Variants in COG5 observed in about 807,000 individuals in gnomAD.
The protein encoded by COG5 is component of oligomeric golgi complex 5, also known as conserved oligomeric Golgi complex subunit 5.
In COG5, 86 loss-of-function variants were observed where a neutral mutation model predicts 110.4. The ratio of observed to expected loss-of-function variants is 0.78; its 90% CI spans 0.65 to 0.93. The LOEUF (loss-of-function observed/expected upper bound fraction) is 0.93, where lower values mean the gene tolerates loss of function less well. COG5 is among the 40% of genes least tolerant of loss of function. The pLI is 0.00. For synonymous variants in COG5, 360 were observed against 334.6 expected (o/e 1.08, Z -0.83); for missense variants, 1,077 against 987.0 (o/e 1.09, Z -1.22).
chr7:107,289,215 T>C (rs1805954154), intron 12 of COG5, among the ~76,000 whole-genome samples: 1 of 151,856 alleles, frequency 6.6e-6, no homozygotes, highest in Non-Finnish European at 1.5e-5. Flanking sequence ...GGGCACCACT[T>C]CATTATTTTG....
Position 107,203,226 on chromosome 7 carries a change from G to C in COG5, c.*290C>G, listed in dbSNP as rs1287926749. The C allele has an allele frequency of 4.7e-6, 2 of 429,810 alleles. No homozygotes were observed. Among genetic ancestry groups the C allele is most frequent in the African/African-American group, 4.0e-5 (2 of 49,620 alleles). The allele number at this position is 429,810 out of a possible 1,614,324, so 26.6% of individuals were successfully genotyped here. A position where few individuals can be genotyped will look rare whatever the true frequency, so the allele number is the denominator to read the frequency against. The stretch of plus-strand genomic sequence containing the variant: ...GGGACTTTGGGTTTATGTACCCATA[G>C]GAGGACTTGGTTATGGATGGGAAAG... On this transcript the variant is annotated 3_prime_UTR_variant, in exon 22 of 22. Transcript: ENST00000297135.
At chr7:107,256,514 A>G (rs1802889613) in intron 16 of COG5, among the ~76,000 whole-genome samples, 1 of 152,184 alleles carries the variant, frequency 6.6e-6, no homozygotes, top group Non-Finnish European at 1.5e-5. Flanking sequence ...AACTGTCATA[A>G]GTAGAACACA....
intron 21 of COG5, among the ~76,000 whole-genome samples, chr7:107,205,731 TA>T (rs938160644): frequency 6.6e-6 from 1 of 152,180 alleles, no homozygotes; most frequent in Non-Finnish European, 1.5e-5. Flanking sequence ...TGCTCCCTTT[TA>T]AGGAAAGCCT....
Position 107,210,537 on chromosome 7 carries a change from G to A in COG5, c.2364C>T (p.Leu788=), listed in dbSNP as rs2116193413. 6.3e-7 allele frequency: 1 copy of A among 1,599,632 alleles called. No homozygotes were observed. Among genetic ancestry groups the A allele is most frequent in the African/African-American group, 1.3e-5 (1 of 74,966 alleles). The change falls in exon 21 of 22, where the codon CTC becomes CTT. Residue 788 remains leucine, a synonymous_variant. Transcript: ENST00000297135. Reference sequence around the variant, plus strand: ...GCACCTGGCTTTACCTGATGAGGAGGAGCCTGTCCTTTTCAGATGGATGGT... The same window carrying A: ...GCACCTGGCTTTACCTGATGAGGAGAAGCCTGTCCTTTTCAGATGGATGGT... ...LDDHPSEKDR[L]LLIRGALEAY...
intron 11 of COG5, among the ~76,000 whole-genome samples, chr7:107,316,739 G>A (rs958716082): frequency 8.7e-5 from 13 of 150,242 alleles, no homozygotes; most frequent in African/African-American, 3.2e-4. Flanking sequence ...GGCTGAGGCA[G>A]GAGAATGGCG....
At chr7:107,316,455 T>C (rs1385105831) in intron 11 of COG5, among the ~76,000 whole-genome samples, 1 of 151,952 alleles carries the variant, frequency 6.6e-6, no homozygotes, top group East Asian at 1.9e-4. Context: ...TGACATTAAT[T>C]GTCCTAATGA....
intron 21 of COG5, chr7:107,210,156 T>C: frequency 9.1e-7 from 1 of 1,099,150 alleles, no homozygotes; most frequent in Middle Eastern, 4.2e-4. Context: ...TTCACTCACA[T>C]CTGTGTTCCA....
At chr7:107,457,669 T>TCC (rs368613264) in intron 6 of COG5, among the ~76,000 whole-genome samples, 1 of 151,074 alleles carries the variant, frequency 6.6e-6, no homozygotes, top group African/African-American at 2.4e-5. Flanking sequence ...GAAGTCGTGA[T>TCC]CCCCCCCGCC....
At chr7:107,211,303 G>A (rs1799157624) in intron 19 of COG5, 78 bp from the exon 20 acceptor site, 4 of 1,505,038 alleles carry the variant, frequency 2.7e-6, no homozygotes, top group Admixed American at 1.7e-5. Context: ...CATTCTCCTT[G>A]TAGAATAGCA....
intron 13 of COG5, among the ~76,000 whole-genome samples, chr7:107,281,643 G>C (rs1016905456): frequency 6.6e-6 from 1 of 152,118 alleles, no homozygotes; most frequent in African/African-American, 2.4e-5. Context: ...TGTGGGTTCA[G>C]TCTGTGATTA....
intron 19 of COG5, among the ~76,000 whole-genome samples, chr7:107,225,886 T>C (rs1800297305): frequency 1.3e-5 from 2 of 151,982 alleles, no homozygotes; most frequent in South Asian, 2.1e-4. Flanking sequence ...CTACTAAAAA[T>C]ACAAAAATTT....
At chr7:107,221,034 C>T (rs1190500351) in intron 19 of COG5, among the ~76,000 whole-genome samples, 5 of 151,906 alleles carry the variant, frequency 3.3e-5, no homozygotes, top group African/African-American at 1.2e-4. Context: ...TCAGGCTGGT[C>T]TCAAATTCCT....
At chr7:107,536,034 A>G (rs894235172) in intron 5 of COG5, among the ~76,000 whole-genome samples, 4 of 152,228 alleles carry the variant, frequency 2.6e-5, no homozygotes, top group Non-Finnish European at 5.9e-5. Flanking sequence ...TCCATCACAT[A>G]AACAGAACCA....
chr7:107,259,007 T>C (rs1044350472), intron 14 of COG5, among the ~76,000 whole-genome samples: 11 of 152,130 alleles, frequency 7.2e-5, no homozygotes, highest in African/African-American at 2.7e-4. Context: ...ATACTGTGTA[T>C]AGATGATCAG....
intron 12 of COG5, among the ~76,000 whole-genome samples, chr7:107,295,543 T>C (rs892134744): frequency 1.3e-5 from 2 of 152,148 alleles, no homozygotes; most frequent in African/African-American, 4.8e-5. Context: ...TTCTCTTTTC[T>C]TTCTTACATC....
chr7:107,350,612 T>A (rs1288299812), intron 10 of COG5, among the ~76,000 whole-genome samples: 1 of 152,244 alleles, frequency 6.6e-6, no homozygotes. Context: ...GGCAATTTTT[T>A]ACTGTGAGCT....
chr7:107,507,007 GC>G (rs1265202953), intron 6 of COG5, among the ~76,000 whole-genome samples: 1 of 152,222 alleles, frequency 6.6e-6, no homozygotes, highest in Non-Finnish European at 1.5e-5. Context: ...ACGCAAGGCT[GC>G]TCCCACTGCC....
At chr7:107,287,834 TC>T (rs1275726073) in intron 12 of COG5, among the ~76,000 whole-genome samples, 3 of 152,208 alleles carry the variant, frequency 2.0e-5, no homozygotes, top group African/African-American at 7.2e-5. Flanking sequence ...GTACTTCATT[TC>T]TTTTTATGGC....
intron 6 of COG5, among the ~76,000 whole-genome samples, chr7:107,513,831 A>G (rs1563076618): frequency 6.7e-6 from 1 of 148,992 alleles, no homozygotes; most frequent in African/African-American, 2.5e-5. Flanking sequence ...TCTCACTGAT[A>G]GGTGGGAACT....
Sources: gnomAD v4.1 joint callset for allele counts (sites outside exome capture counted in the v4.1 genomes callset) on GRCh38, gnomAD v4.1.1 for gene constraint, MANE v1.5 for transcripts, NCBI Gene and HGNC (gene_info 2026-07-23, HGNC 2026-07-21) for gene names.